Variants in ACTR2 observed in about 807,000 individuals in gnomAD.
ACTR2 encodes the protein actin-related protein 2.
Under a neutral mutation model 50.2 loss-of-function variants are expected in ACTR2, and 5 were observed. The observed-to-expected ratio is 0.10, with a 90% CI of 0.05 to 0.21. The LOEUF (loss-of-function observed/expected upper bound fraction) is 0.21, where lower values mean the gene tolerates loss of function less well. Among genes scored for constraint, ACTR2 ranks in the 10% least tolerant of loss-of-function variants. The pLI is 1.00. For missense variants in ACTR2, 180 were observed against 480.6 expected, an observed-to-expected ratio of 0.37 and a Z score of 5.85; for synonymous variants, 140 against 162.9, an observed-to-expected ratio of 0.86 and a Z score of 1.07.
intron 4 of ACTR2, among the ~76,000 whole-genome samples, chr2:65,251,341 T>C (rs1179937474): frequency 6.6e-6 from 1 of 152,158 alleles, no homozygotes; most frequent in African/African-American, 2.4e-5. Flanking sequence ...TTTTAAAAAA[T>C]AGGATATTCT....
intron 4 of ACTR2, among the ~76,000 whole-genome samples, chr2:65,253,368 A>G (rs1359312124): frequency 2.0e-5 from 3 of 151,942 alleles, no homozygotes; most frequent in Non-Finnish European, 4.4e-5. Context: ...ACTTGAACCC[A>G]GGAAATGAAG....
chr2:65,263,812 G>A (rs1432194056), intron 7 of ACTR2, among the ~76,000 whole-genome samples: 4 of 72,340 alleles, frequency 5.5e-5, no homozygotes, highest in Non-Finnish European at 8.7e-5. Context: ...GGCTGAGGCC[G>A]GTGAATCACG....
chr2:65,236,335 C>CA (rs557739010), intron 1 of ACTR2, among the ~76,000 whole-genome samples: 13,103 of 110,118 alleles, frequency 0.12, 1,509 homozygotes, highest in African/African-American at 0.32. Flanking sequence ...GACTCCATCT[C>CA]AAAAAAAAAA....
In ACTR2 at chr2:65,247,341, C is replaced by T. The variant is rs552572875; in HGVS notation, c.375+602C>T. ...CGGTGGCTCACGCCTGTAATCTCAG[C>T]ACTTTGGGAGGCGGAGGCGGGCAGA... is the stretch of plus-strand genomic sequence containing the variant. On this transcript the variant is annotated intron_variant, in intron 3 of 8. Coordinates refer to ENST00000260641, the MANE Select transcript of ACTR2 (RefSeq NM_005722.4). Among the ~76,000 whole-genome samples the T allele has an allele frequency of 1.5e-3, 232 of 152,196 alleles. 1 individual carries two copies. The highest frequency in any genetic ancestry group is 5.4e-3 in the African/African-American group (225 of 41,526).
At chr2:65,235,340 T>C (rs1432348456) in intron 1 of ACTR2, among the ~76,000 whole-genome samples, 1 of 152,238 alleles carries the variant, frequency 6.6e-6, no homozygotes, top group Non-Finnish European at 1.5e-5. Context: ...CTGAATTCTG[T>C]TCATTTTAAG....
At chr2:65,236,861 A>T (rs1490071431) in intron 1 of ACTR2, among the ~76,000 whole-genome samples, 1 of 152,066 alleles carries the variant, frequency 6.6e-6, no homozygotes, top group African/African-American at 2.4e-5. Flanking sequence ...CAAGAGGTAC[A>T]TTGCTCTTTT....
chr2:65,241,362 A>T (rs964397936), intron 2 of ACTR2, among the ~76,000 whole-genome samples: 12 of 152,206 alleles, frequency 7.9e-5, no homozygotes, highest in Non-Finnish European at 1.6e-4. Flanking sequence ...CAACATAGGC[A>T]CAAATAACTA....
Position 65,265,057 on chromosome 2 carries a change from A to G in ACTR2, c.896A>G (p.Lys299Arg). 1 of 1,614,176 alleles carries G rather than the reference A, an allele frequency of 6.2e-7. No individual in the cohort carries two copies. Among genetic ancestry groups the G allele is most frequent in the East Asian group, 2.2e-5 (1 of 44,882 alleles). Residue 299 changes from lysine to arginine, a missense_variant, in exon 8 of 9, where the codon AAA becomes AGA. Lys to Arg is a conservative substitution (Grantham distance 26). Coordinates refer to ENST00000260641, the MANE Select transcript of ACTR2 (RefSeq NM_005722.4). ...ADIDTRSEFY[K>R]HIVLSGGSTM... ...TGCCTTTCTAGATCTGAATTCTACA[A>G]ACACATTGTGCTTTCTGGAGGGTCT...
chr2:65,227,865 T>C lies in ACTR2; in HGVS notation c.-45T>C, dbSNP rs903798129. On this transcript the variant is annotated 5_prime_UTR_variant, in exon 1 of 9. Transcript: ENST00000260641. ...AGAAGAGAAAACGGCCGGGCGGCGGTGGCTGTAGGTTGTGCGGCTGCAGCG... is the reference window on the plus strand; with the variant it reads ...AGAAGAGAAAACGGCCGGGCGGCGGCGGCTGTAGGTTGTGCGGCTGCAGCG... 1.3e-5 allele frequency: 19 copies of C among 1,490,740 alleles called. No homozygotes were observed. The African/African-American group carries it at 1.3e-4, about 10-fold the overall frequency. 92.3% of individuals were successfully genotyped at this position (1,490,740 alleles called of 1,614,324 possible). A position where few individuals can be genotyped will look rare whatever the true frequency, so the allele number is the denominator to read the frequency against.
intron 2 of ACTR2, among the ~76,000 whole-genome samples, chr2:65,245,065 A>G (rs1156541995): frequency 6.6e-6 from 1 of 152,038 alleles, no homozygotes. Context: ...CATTTCTAGC[A>G]TCTGTTTTTA....
At chr2:65,243,204 G>A (rs765863451) in intron 2 of ACTR2, among the ~76,000 whole-genome samples, 5 of 152,012 alleles carry the variant, frequency 3.3e-5, no homozygotes, top group Admixed American at 6.6e-5. Context: ...GCTTGAACCC[G>A]GGAGGCAGAG....
chr2:65,253,970 A>G, intron 5 of ACTR2, 106 bp downstream of exon 5: 1 of 905,048 alleles, frequency 1.1e-6, no homozygotes, highest in Non-Finnish European at 1.6e-6. Context: ...CTGTACCACT[A>G]GAGAAATTAT....
At chr2:65,247,834 G>T (rs1671967643) in intron 3 of ACTR2, among the ~76,000 whole-genome samples, 1 of 152,146 alleles carries the variant, frequency 6.6e-6, no homozygotes, top group Non-Finnish European at 1.5e-5. Context: ...AGCTGTAGAT[G>T]CTAAAGGCAA....
intron 1 of ACTR2, among the ~76,000 whole-genome samples, chr2:65,233,775 C>T (rs979101562): frequency 6.6e-6 from 1 of 151,942 alleles, no homozygotes; most frequent in Admixed American, 6.6e-5. Flanking sequence ...CCACGCCCAG[C>T]CAATTTTGTA....
chr2:65,238,636 G>T (rs1671782849), intron 1 of ACTR2, among the ~76,000 whole-genome samples: 1 of 142,730 alleles, frequency 7.0e-6, no homozygotes, highest in Admixed American at 7.2e-5. Flanking sequence ...TCCACCCTGG[G>T]CGACAGAGCG....
intron 1 of ACTR2, among the ~76,000 whole-genome samples, chr2:65,230,789 C>T (rs1253299945): frequency 1.3e-5 from 2 of 152,018 alleles, no homozygotes; most frequent in Non-Finnish European, 2.9e-5. Flanking sequence ...CGTTGTGGCT[C>T]ATGCCTGTAA....
chr2:65,228,147 C>T (rs1258515443), intron 1 of ACTR2, 190 bp downstream of exon 1: 8 of 466,198 alleles, frequency 1.7e-5, no homozygotes, highest in Non-Finnish European at 2.9e-5. Flanking sequence ...GCCTGCCACC[C>T]ATTTAGCCTG....
At chr2:65,265,756 G>C (rs551034633) in intron 8 of ACTR2, among the ~76,000 whole-genome samples, 22 of 152,228 alleles carry the variant, frequency 1.4e-4, no homozygotes, top group African/African-American at 4.3e-4. Flanking sequence ...ATAGGTTTTT[G>C]TGTTTTTTCC....
intron 1 of ACTR2, among the ~76,000 whole-genome samples, chr2:65,230,592 G>C (rs746546662): frequency 8.6e-5 from 13 of 151,220 alleles, no homozygotes; most frequent in East Asian, 1.9e-4. Flanking sequence ...TTTTATTTTT[G>C]TAGAGACTGG....
Sources: gnomAD v4.1 joint callset for allele counts (sites outside exome capture counted in the v4.1 genomes callset) on GRCh38, gnomAD v4.1.1 for gene constraint, MANE v1.5 for transcripts, NCBI Gene and HGNC (gene_info 2026-07-23, HGNC 2026-07-21) for gene names.